Variants in AKR1C4 observed in about 807,000 individuals in gnomAD.
AKR1C4 encodes the protein 3-alpha-HSD1.
AKR1C4 carries 44 observed loss-of-function variants against 41.0 expected under a neutral mutation model. The observed-to-expected ratio is 1.07, with a 90% CI of 0.84 to 1.38. The LOEUF is 1.38. AKR1C4 is among the 40% of genes most tolerant of loss of function. The pLI is 0.00. For missense variants in AKR1C4, 438 were observed against 387.9 expected (o/e 1.13, Z -1.09); for synonymous variants, 165 against 137.7 (o/e 1.20, Z -1.39).
intron 1 of AKR1C4, among the ~76,000 whole-genome samples, chr10:5,197,468 A>G (rs1355271863): frequency 2.0e-5 from 3 of 152,226 alleles, no homozygotes; most frequent in Admixed American, 6.5e-5. Flanking sequence ...TGGACTTAAT[A>G]CAATGCCCTG....
intron 8 of AKR1C4, among the ~76,000 whole-genome samples, chr10:5,217,731 G>T (rs1459694860): frequency 2.0e-5 from 3 of 152,202 alleles, no homozygotes; most frequent in Non-Finnish European, 4.4e-5. Flanking sequence ...CTGCACTCCA[G>T]CCTGGGCAAC....
intron 1 of AKR1C4, among the ~76,000 whole-genome samples, chr10:5,198,925 C>T (rs1554796609): frequency 6.7e-6 from 1 of 148,784 alleles, no homozygotes; most frequent in East Asian, 2.0e-4. Context: ...TCACTTGAGC[C>T]CAAGGTAAAG....
intron 5 of AKR1C4, among the ~76,000 whole-genome samples, chr10:5,208,282 G>A (rs1284803476): frequency 6.6e-6 from 1 of 151,516 alleles, no homozygotes; most frequent in African/African-American, 2.4e-5. Flanking sequence ...GAGTCAATGA[G>A]TACAGGTCTA....
chr10:5,214,156 T>C (rs1832619756), intron 7 of AKR1C4, among the ~76,000 whole-genome samples: 1 of 152,134 alleles, frequency 6.6e-6, no homozygotes, highest in African/African-American at 2.4e-5. Context: ...AGTACAAATG[T>C]ACATATACAT....
At chr10:5,216,957 TTC>T (rs1438826359) in intron 8 of AKR1C4, among the ~76,000 whole-genome samples, 164 bp downstream of exon 8, 1 of 152,214 alleles carries the variant, frequency 6.6e-6, no homozygotes, top group Non-Finnish European at 1.5e-5. Context: ...CAGAGCTCTG[TTC>T]TCTGACAGGG....
chr10:5,209,031 T>C (rs942152024), intron 5 of AKR1C4, among the ~76,000 whole-genome samples: 1 of 146,626 alleles, frequency 6.8e-6, no homozygotes, highest in Non-Finnish European at 1.5e-5. Flanking sequence ...CTTTATATCA[T>C]AGAAGTTAAA....
chr10:5,206,471 G>C, intron 5 of AKR1C4, 74 bp downstream of exon 5: 2 of 1,600,712 alleles, frequency 1.2e-6, no homozygotes, highest in Non-Finnish European at 1.7e-6. Context: ...GCTTCCATTT[G>C]TTTTGTTCCA....
At chr10:5,211,853 G>A (rs563398920) in intron 5 of AKR1C4, among the ~76,000 whole-genome samples, 3 of 152,296 alleles carry the variant, frequency 2.0e-5, no homozygotes, top group Admixed American at 1.3e-4. Flanking sequence ...CATGGCAGAA[G>A]GCAAAGAGGA....
rs1554798135 is a variant in AKR1C4, at chr10:5,213,162, G to T, written c.846+3G>T. The T allele has an allele frequency of 1.2e-6, 2 of 1,613,028 alleles. No individual in the cohort carries two copies. The highest frequency in any genetic ancestry group is 4.5e-5 in the East Asian group (2 of 44,882). On this transcript the variant is annotated splice_donor_region_variant and intron_variant, in intron 7 of 8. Coordinates refer to ENST00000263126, the MANE Select transcript of AKR1C4 (RefSeq NM_001818.5). ...AGCGGATCAGAGAGAACATCCAGGT[G>T]AGGAGTTGGGTGGGCATCAGGGCTC...
At chr10:5,212,876 G>A (rs1165671286) in intron 6 of AKR1C4, 118 bp from the exon 7 acceptor site, 3 of 1,435,194 alleles carry the variant, frequency 2.1e-6, no homozygotes, top group East Asian at 2.4e-5. Context: ...TGCTGCTGCT[G>A]TTCAGGGACC....
chr10:5,216,566 G>A (rs1554798523), intron 7 of AKR1C4, 145 bp from the exon 8 acceptor site: 1 of 586,788 alleles, frequency 1.7e-6, no homozygotes, highest in African/African-American at 1.9e-5. Flanking sequence ...AATCACTTGA[G>A]AGTTTAGAGA....
intron 5 of AKR1C4, chr10:5,207,254 G>C: frequency 4.6e-6 from 1 of 216,662 alleles, no homozygotes; most frequent in South Asian, 8.0e-5. Flanking sequence ...TGTTTGAACT[G>C]TGCTAGAAGA....
At chr10:5,218,542 G>GGA (rs1491361141) in intron 8 of AKR1C4, among the ~76,000 whole-genome samples, 176 bp from the exon 9 acceptor site, 1 of 146,518 alleles carries the variant, frequency 6.8e-6, no homozygotes, top group Non-Finnish European at 1.5e-5. Context: ...TTCTTATTTT[G>GGA]AAAAAAAAAA....
At chr10:5,199,656 G>C (rs1038267522) in intron 1 of AKR1C4, among the ~76,000 whole-genome samples, 1 of 152,108 alleles carries the variant, frequency 6.6e-6, no homozygotes, top group Admixed American at 6.5e-5. Flanking sequence ...CGCTGAGTTT[G>C]GCTGGGGCAG....
chr10:5,211,115 T>G (rs1554797891), intron 5 of AKR1C4, among the ~76,000 whole-genome samples: 1 of 152,060 alleles, frequency 6.6e-6, no homozygotes, highest in Admixed American at 6.5e-5. Flanking sequence ...ATGAAACCAT[T>G]TTTTCCTCCT....
At chr10:5,205,053 C>A (rs1020513798) in intron 3 of AKR1C4, among the ~76,000 whole-genome samples, 27 of 152,126 alleles carry the variant, frequency 1.8e-4, no homozygotes, top group African/African-American at 6.5e-4. Context: ...AGAAAAAAAA[C>A]TCAGGCTAGT....
intron 2 of AKR1C4, among the ~76,000 whole-genome samples, 193 bp downstream of exon 2, chr10:5,200,541 A>C (rs782612028): frequency 6.6e-5 from 10 of 152,218 alleles, no homozygotes; most frequent in Admixed American, 2.6e-4. Flanking sequence ...GTTGTGTTCA[A>C]ATTTACTACT....
At chr10:5,216,399 C>T (rs1465864346) in intron 7 of AKR1C4, among the ~76,000 whole-genome samples, 1 of 152,192 alleles carries the variant, frequency 6.6e-6, no homozygotes, top group East Asian at 1.9e-4. Flanking sequence ...TTCAAAATTT[C>T]TCTAGATTCT....
chr10:5,201,661 C>T (rs1213371168), intron 2 of AKR1C4, among the ~76,000 whole-genome samples: 1 of 152,058 alleles, frequency 6.6e-6, no homozygotes, highest in Non-Finnish European at 1.5e-5. Flanking sequence ...GTCTTAGAGA[C>T]AAATTCTTGG....
Sources: gnomAD v4.1 joint callset for allele counts (sites outside exome capture counted in the v4.1 genomes callset) on GRCh38, gnomAD v4.1.1 for gene constraint, MANE v1.5 for transcripts, NCBI Gene and HGNC (gene_info 2026-07-23, HGNC 2026-07-21) for gene names.